TENM2: variants seen among roughly 807,000 people sequenced by gnomAD.
The protein encoded by TENM2 is teneurin-2.
In TENM2, 52 loss-of-function variants were observed where a neutral mutation model predicts 245.2. The ratio of observed to expected loss-of-function variants is 0.21; its 90% CI spans 0.17 to 0.27. The LOEUF is 0.27. Among genes scored for constraint, TENM2 ranks in the 10% least tolerant of loss-of-function variants. TENM2 has a pLI of 1.00. For missense variants in TENM2, 3,046 were observed against 3,666.8 expected, an observed-to-expected ratio of 0.83 and a Z score of 4.37; for synonymous variants, 1,363 against 1,438.9, an observed-to-expected ratio of 0.95 and a Z score of 1.19.
chr5:167,061,056 C>T, the TENM2 span, among the ~76,000 whole-genome samples: 312 of 151,194 alleles, frequency 2.1e-3, 2 homozygotes, highest in Non-Finnish European at 7.2e-4. Flanking sequence ...GAACATTTTA[C>T]TTCTAGGGGT....
At chr5:167,060,612 C>T in the TENM2 span, among the ~76,000 whole-genome samples, 1 of 146,782 alleles carries the variant, frequency 6.8e-6, no homozygotes, top group Non-Finnish European at 1.5e-5. Flanking sequence ...GATCATTCCA[C>T]TGCACTCCAG....
chr5:168,190,574 C>T, intron 14 of TENM2, 27 bp downstream of exon 16: 1 of 1,588,810 alleles, frequency 6.3e-7, no homozygotes, highest in Non-Finnish European at 8.6e-7. Context: ...CCTGCAAACT[C>T]CTGAAGTCTC....
chr5:167,397,060 G>C (rs1206860986), intron 2 of TENM2, among the ~76,000 whole-genome samples: 2 of 152,138 alleles, frequency 1.3e-5, no homozygotes, highest in African/African-American at 4.8e-5. Context: ...TTAATAAAAA[G>C]AGTCAAGATG....
At position 168,204,640 on chromosome 5, in the gene TENM2, A is replaced by C. The variant is rs752724885; in HGVS notation, c.3824+19A>C. The C allele has an allele frequency of 8.7e-6, 14 of 1,611,198 alleles. No individual in the cohort carries two copies. The Admixed American group carries it at 2.2e-4, about 25-fold the overall frequency. On this transcript the variant is annotated intron_variant, in intron 19 of 28. Transcript: ENST00000518659. Reference sequence around the variant, plus strand: ...AGTTACGGTAAATGGCCTCACAGGCAACCTTCTTTTGCTCTCTTGCCCCCC... The same window carrying C: ...AGTTACGGTAAATGGCCTCACAGGCCACCTTCTTTTGCTCTCTTGCCCCCC...
chr5:168,216,295 C>T (rs748319624), intron 21 of TENM2, among the ~76,000 whole-genome samples: 6 of 152,164 alleles, frequency 3.9e-5, no homozygotes, highest in African/African-American at 1.4e-4. Context: ...GGGAATACTT[C>T]CTGAAGCATA....
intron 2 of TENM2, among the ~76,000 whole-genome samples, chr5:167,806,832 C>T (rs1329176799): frequency 6.6e-6 from 1 of 151,748 alleles, no homozygotes; most frequent in Non-Finnish European, 1.5e-5. Context: ...AGGAAAGTTC[C>T]CAAAACAAAG....
intron 2 of TENM2, among the ~76,000 whole-genome samples, chr5:167,495,769 A>T (rs953885260): frequency 6.6e-6 from 1 of 152,084 alleles, no homozygotes; most frequent in African/African-American, 2.4e-5. Context: ...AGAAAACAAA[A>T]AGACTTTAAT....
chr5:167,705,102 C>T (rs986969307), intron 2 of TENM2, among the ~76,000 whole-genome samples: 2 of 152,072 alleles, frequency 1.3e-5, no homozygotes, highest in Non-Finnish European at 2.9e-5. Context: ...CTCTGCCTAC[C>T]CCTGGGCTTT....
intron 2 of TENM2, among the ~76,000 whole-genome samples, chr5:167,754,728 C>CCAAA (rs112711792): frequency 6.9e-6 from 1 of 145,166 alleles, no homozygotes; most frequent in African/African-American, 2.5e-5. Context: ...AGAGATATTT[C>CCAAA]AAAAAAAAAA....
chr5:167,194,359 C>T, the TENM2 span, among the ~76,000 whole-genome samples: 2 of 152,050 alleles, frequency 1.3e-5, no homozygotes, highest in African/African-American at 2.4e-5. Flanking sequence ...TCAGTTTCCT[C>T]TAGTTCTACA....
chr5:167,930,550 C>G (rs1778198568), intron 3 of TENM2, among the ~76,000 whole-genome samples: 1 of 152,024 alleles, frequency 6.6e-6, no homozygotes, highest in East Asian at 1.9e-4. Context: ...CCATAGCTCA[C>G]TGTAGCCTTG....
intron 2 of TENM2, among the ~76,000 whole-genome samples, chr5:167,793,976 T>C (rs976028346): frequency 2.6e-5 from 4 of 151,610 alleles, no homozygotes; most frequent in Non-Finnish European, 4.4e-5. Flanking sequence ...TGGAGAGAAA[T>C]ATCAGAAAAA....
chr5:167,836,761 C>A (rs1769030277), intron 2 of TENM2, among the ~76,000 whole-genome samples: 1 of 151,188 alleles, frequency 6.6e-6, no homozygotes, highest in Admixed American at 6.7e-5. Context: ...ATATTTATCT[C>A]AATATATGTG....
At chr5:167,561,489 G>A (rs1400469135) in intron 2 of TENM2, among the ~76,000 whole-genome samples, 1 of 152,232 alleles carries the variant, frequency 6.6e-6, no homozygotes, top group Non-Finnish European at 1.5e-5. Flanking sequence ...GTCAGACAGT[G>A]TAACTGTGGT....
chr5:167,444,296 CAT>C (rs1765035128), intron 2 of TENM2, among the ~76,000 whole-genome samples: 1 of 65,832 alleles, frequency 1.5e-5, no homozygotes, highest in Admixed American at 2.1e-4. Flanking sequence ...CACACATACA[CAT>C]ACACACACAC....
intron 25 of TENM2, chr5:168,229,868 C>CA (rs1301455473): frequency 2.0e-5 from 3 of 152,260 alleles, no homozygotes; most frequent in South Asian, 2.1e-4. Context: ...CTCCTAAAGA[C>CA]AAAAATGGAA....
intron 3 of TENM2, among the ~76,000 whole-genome samples, chr5:167,883,398 A>G (rs560056426): frequency 1.3e-5 from 2 of 152,364 alleles, no homozygotes; most frequent in South Asian, 2.1e-4. Flanking sequence ...ACACGCACAC[A>G]CACACACACG....
chr5:168,108,064 G>C (rs1794395018), intron 9 of TENM2, among the ~76,000 whole-genome samples: 1 of 152,192 alleles, frequency 6.6e-6, no homozygotes, highest in Non-Finnish European at 1.5e-5. Context: ...AGGAAGCAAG[G>C]CTTATAAAGA....
the TENM2 span, among the ~76,000 whole-genome samples, chr5:167,106,131 G>A: frequency 1.3e-5 from 2 of 151,974 alleles, no homozygotes; most frequent in South Asian, 4.1e-4. Context: ...AAAGCTCTTG[G>A]CTCTGTGCCT....
Sources: allele counts gnomAD v4.1 joint callset (sites outside exome capture counted in the v4.1 genomes callset), GRCh38; gene constraint gnomAD v4.1.1; transcripts MANE v1.5; gene names NCBI Gene and HGNC (gene_info 2026-07-23, HGNC 2026-07-21).